MTMR7: variants seen among roughly 807,000 people sequenced by gnomAD.
MTMR7 encodes myotubularin related protein 7.
MTMR7 carries 76 observed loss-of-function variants against 81.2 expected under a neutral mutation model. That is an observed-to-expected ratio of 0.94 (90% CI 0.78 to 1.13). The LOEUF (loss-of-function observed/expected upper bound fraction) is 1.13. MTMR7 is among the 50% of genes most tolerant of loss of function. The pLI is 0.00. For synonymous variants in MTMR7, 372 were observed against 289.8 expected (o/e 1.28, Z -2.88); for missense variants, 1,044 against 820.0 (o/e 1.27, Z -3.34).
intron 6 of MTMR7, among the ~76,000 whole-genome samples, chr8:17,334,283 G>A (rs896413629): frequency 3.9e-5 from 6 of 152,188 alleles, no homozygotes; most frequent in African/African-American, 1.4e-4. Context: ...AAAATTCAAT[G>A]TTATCTTGGA....
At position 17,366,875 on chromosome 8, in the gene MTMR7, G is replaced by C. The variant is rs183427492; in HGVS notation, c.310+4162C>G. ...CACTCCAGCCTGGATGACAGAGCGA[G>C]ACTCCATCTCAAAAAAAAAAAAACT... On this transcript the variant is annotated intron_variant, in intron 3 of 13. Transcript: ENST00000180173. 1.6e-4 allele frequency among the ~76,000 whole-genome samples: 12 copies of C among 76,252 alleles called. No homozygotes were observed. The East Asian group carries it at 5.4e-3, about 34-fold the overall frequency. The allele number at this position is 76,252 out of a possible 152,430, so 50.0% of individuals were successfully genotyped here.
intron 5 of MTMR7, among the ~76,000 whole-genome samples, chr8:17,347,911 C>T (rs985749353): frequency 1.3e-5 from 2 of 152,252 alleles, no homozygotes; most frequent in Admixed American, 1.3e-4. Flanking sequence ...CTGCCACCTG[C>T]AGTGTGTGGG....
At chr8:17,347,498 C>G (rs1482310524) in intron 5 of MTMR7, among the ~76,000 whole-genome samples, 2 of 152,182 alleles carry the variant, frequency 1.3e-5, no homozygotes, top group African/African-American at 4.8e-5. Flanking sequence ...GCTCTACCCC[C>G]CGGCTGTAGG....
In MTMR7 at chr8:17,331,175, C is replaced by T. The variant is rs1586203376; in HGVS notation, c.840G>A (p.Arg280=). The change falls in exon 7 of 14, where the codon AGG becomes AGA. Residue 280 remains arginine (R), a synonymous_variant. Transcript: ENST00000180173. ...FIGIENIHVM[R]NSLQKMLEVC... ...CTTCCAGCATTTTCTGCAGACTGTT[C>T]CTCATGACATGGATGTTCTCTATCC... The T allele has an allele frequency of 4.3e-6, 7 of 1,612,058 alleles. No individual in the cohort carries two copies. The highest frequency in any genetic ancestry group is 5.9e-6 in the Non-Finnish European group (7 of 1,179,444).
chr8:17,386,652 C>A (rs139770068), intron 1 of MTMR7, among the ~76,000 whole-genome samples: 62,372 of 151,732 alleles, frequency 0.41, 13,495 homozygotes, highest in Admixed American at 0.56. Context: ...CATGATGGCT[C>A]CAGTTGCCCC....
intron 7 of MTMR7, among the ~76,000 whole-genome samples, chr8:17,323,423 T>C (rs1344103081): frequency 1.3e-5 from 2 of 151,852 alleles, no homozygotes; most frequent in East Asian, 3.9e-4. Context: ...GGAACCAAAC[T>C]GAAGGTAGGG....
At chr8:17,391,827 G>A (rs572530489) in intron 1 of MTMR7, among the ~76,000 whole-genome samples, 7 of 152,282 alleles carry the variant, frequency 4.6e-5, no homozygotes, top group African/African-American at 1.4e-4. Context: ...TTATAAAGTT[G>A]TCATAGCCTG....
intron 3 of MTMR7, among the ~76,000 whole-genome samples, chr8:17,361,874 A>T (rs1012561668): frequency 1.3e-5 from 2 of 152,248 alleles, no homozygotes; most frequent in Non-Finnish European, 2.9e-5. Flanking sequence ...AAATCAATTC[A>T]TACTGCACAG....
rs566650288 is a variant in MTMR7, at chr8:17,314,877, G to A, written c.866-1476C>T. Among the ~76,000 whole-genome samples, 108 of 152,258 alleles carry A rather than the reference G, an allele frequency of 7.1e-4. No individual in the cohort carries two copies. In the Middle Eastern group the frequency reaches 0.014, roughly 19 times the overall value. ...ACTACCTTTCTAAGGTCACAGTGTT[G>A]CCCCTTGCACACCTCAGGCCCAGCA... On this transcript the variant is annotated intron_variant, in intron 7 of 13. Coordinates refer to ENST00000180173, the MANE Select transcript of MTMR7 (RefSeq NM_004686.5).
At position 17,325,781 on chromosome 8, in the gene MTMR7, C is replaced by T. The variant is rs116118592; in HGVS notation, c.865+5369G>A. Among the ~76,000 whole-genome samples the T allele has an allele frequency of 3.3e-3, 510 of 152,264 alleles. 3 individuals carry two copies. Among genetic ancestry groups the T allele is most frequent in the African/African-American group, 0.011 (474 of 41,534 alleles). ...AGACAAACACTTCTGAAACTGTGCTCTTACTTCATGTCTTTTGAATAAAGA... is the reference window on the plus strand; with the variant it reads ...AGACAAACACTTCTGAAACTGTGCTTTTACTTCATGTCTTTTGAATAAAGA... On this transcript the variant is annotated intron_variant, in intron 7 of 13. Transcript: ENST00000180173.
chr8:17,401,331 T>C (rs1347932317), intron 1 of MTMR7, among the ~76,000 whole-genome samples: 3 of 152,028 alleles, frequency 2.0e-5, no homozygotes, highest in African/African-American at 7.2e-5. Context: ...ACAGGAAACA[T>C]CTCGTGCAAA....
Position 17,374,162 on chromosome 8 carries a change from C to T in MTMR7, c.25-922G>A, listed in dbSNP as rs146122571. ...TGCTTCCATGCAGCTTAGGAACTAA[C>T]GCATTGTATTCGCTCCATTCTTCAG... On this transcript the variant is annotated intron_variant, in intron 1 of 13. Transcript: ENST00000180173. Among the ~76,000 whole-genome samples the T allele has an allele frequency of 1.1e-4, 17 of 152,342 alleles. No homozygotes were observed. In the East Asian group the frequency reaches 2.1e-3, roughly 19 times the overall value.
At chr8:17,334,443 C>A (rs1819158824) in intron 6 of MTMR7, among the ~76,000 whole-genome samples, 1 of 152,206 alleles carries the variant, frequency 6.6e-6, no homozygotes, top group Non-Finnish European at 1.5e-5. Context: ...CCTAAAAGTT[C>A]TCAAGTAGAT....
At chr8:17,329,697 C>G (rs1818893018) in intron 7 of MTMR7, among the ~76,000 whole-genome samples, 1 of 152,204 alleles carries the variant, frequency 6.6e-6, no homozygotes, top group Non-Finnish European at 1.5e-5. Context: ...AGACTAAAGT[C>G]AGACTGCCTT....
chr8:17,344,082 A>T (rs1241894204), intron 5 of MTMR7, among the ~76,000 whole-genome samples: 1 of 151,984 alleles, frequency 6.6e-6, no homozygotes, highest in Non-Finnish European at 1.5e-5. Flanking sequence ...AACTTTGCAT[A>T]TTTTTATTTA....
chr8:17,389,913 C>G (rs1367822158), intron 1 of MTMR7, among the ~76,000 whole-genome samples: 1 of 152,052 alleles, frequency 6.6e-6, no homozygotes, highest in Non-Finnish European at 1.5e-5. Flanking sequence ...TTTCCTTTAT[C>G]CATTCATACA....
At chr8:17,403,436 GTC>G (rs1456682680) in intron 1 of MTMR7, among the ~76,000 whole-genome samples, 1 of 152,108 alleles carries the variant, frequency 6.6e-6, no homozygotes, top group Non-Finnish European at 1.5e-5. Flanking sequence ...AGCGGTCTAT[GTC>G]TCTGTTTTTA....
chr8:17,317,892 C>T (rs994692302), intron 7 of MTMR7, among the ~76,000 whole-genome samples: 4 of 152,110 alleles, frequency 2.6e-5, no homozygotes, highest in East Asian at 1.9e-4. Context: ...TTCAATCTCC[C>T]GTCCTTCTGT....
chr8:17,317,543 C>T (rs1451625696), intron 7 of MTMR7, among the ~76,000 whole-genome samples: 1 of 152,148 alleles, frequency 6.6e-6, no homozygotes, highest in Non-Finnish European at 1.5e-5. Context: ...AGAGTCCCTG[C>T]GGTCAACGTT....
Sources: gnomAD v4.1 joint callset for allele counts (sites outside exome capture counted in the v4.1 genomes callset) on GRCh38, gnomAD v4.1.1 for gene constraint, MANE v1.5 for transcripts, NCBI Gene and HGNC (gene_info 2026-07-23, HGNC 2026-07-21) for gene names.